The following UVSSA variants were observed in gnomAD, a reference collection of about 807,000 sequenced individuals.
UVSSA encodes UV stimulated scaffold protein A, also known as UV-stimulated scaffold protein A.
A neutral mutation model predicts 73.9 loss-of-function variants in UVSSA; 72 were observed. The observed-to-expected ratio is 0.97, with a 90% CI of 0.81 to 1.19. The LOEUF (loss-of-function observed/expected upper bound fraction) is 1.19, where lower values mean the gene tolerates loss of function less well. UVSSA is among the 50% of genes most tolerant of loss of function. UVSSA has a pLI of 0.00. For synonymous variants in UVSSA, 454 were observed against 391.3 expected (o/e 1.16, Z -1.89); for missense variants, 1,150 against 965.0 (o/e 1.19, Z -2.54).
rs1308835127 is a variant in UVSSA, at chr4:1,386,847, A to G, written c.*886A>G. The G allele has an allele frequency of 6.6e-6, 1 of 152,038 alleles. No homozygotes were observed. The highest frequency in any genetic ancestry group is 2.4e-5 in the African/African-American group (1 of 41,366). The allele number at this position is 152,038 out of a possible 1,614,324, so 9.4% of individuals were successfully genotyped here. On this transcript the variant is annotated 3_prime_UTR_variant, in exon 14 of 14. Coordinates refer to ENST00000389851, the MANE Select transcript of UVSSA (RefSeq NM_020894.4). ...ATCCTTCCACGTCAGCCTCCCAGGT[A>G]GCTGGGACTACAGGCACACACCACA...
intron 4 of UVSSA, 141 bp downstream of exon 4, chr4:1,351,976 C>A: frequency 7.3e-7 from 1 of 1,362,030 alleles, no homozygotes; most frequent in South Asian, 1.5e-5. Context: ...TCAGGTCGGG[C>A]CGGAAGGCGT....
chr4:1,355,210 C>G lies in UVSSA; in HGVS notation c.1141C>G (p.Leu381Val), dbSNP rs1444975345. Residue 381 changes from leucine to valine, a missense_variant, in exon 7 of 14, where the codon CTG becomes GTG. Physicochemically the swap from Leu to Val is conservative, Grantham distance 32. Transcript: ENST00000389851. ...GCTCGTACTGAGAAAATACAAGGAG[C>G]TGGACATCGAGCCTGAGGGAGGGGA... Reference protein sequence around the residue: ...LELVLRKYKELDIEPEGGERR... With the variant: ...LELVLRKYKEVDIEPEGGERR... The G allele has an allele frequency of 1.2e-5, 20 of 1,613,074 alleles. No homozygotes were observed. Among genetic ancestry groups the G allele is most frequent in the Non-Finnish European group, 1.5e-5 (18 of 1,179,720 alleles).
chr4:1,360,652 G>A (rs1260408901), intron 7 of UVSSA, among the ~76,000 whole-genome samples: 1 of 152,184 alleles, frequency 6.6e-6, no homozygotes, highest in East Asian at 1.9e-4. Flanking sequence ...AGGTCAGGCT[G>A]AAGCAGGGTC....
intron 3 of UVSSA, among the ~76,000 whole-genome samples, chr4:1,350,239 C>T (rs903098509): frequency 1.4e-4 from 21 of 152,190 alleles, no homozygotes; most frequent in Non-Finnish European, 2.6e-4. Context: ...CTTTAAGGCT[C>T]CACCCGCACC....
chr4:1,386,167 C>T lies in UVSSA; in HGVS notation c.*206C>T, dbSNP rs1293702017. 1 of 574,470 alleles carries T rather than the reference C, an allele frequency of 1.7e-6. No individual in the cohort carries two copies. Among genetic ancestry groups the T allele is most frequent in the Non-Finnish European group, 3.1e-6 (1 of 323,864 alleles). The allele number at this position is 574,470 out of a possible 1,614,324, so 35.6% of individuals were successfully genotyped here. ...TCGTCTGGTGATGGGTCTGGCCTCG[C>T]AGAAGAGGCCCTCGGGCCTGGAGAT... is the stretch of plus-strand genomic sequence containing the variant. On this transcript the variant is annotated 3_prime_UTR_variant, in exon 14 of 14. Transcript: ENST00000389851.
chr4:1,351,437 G>A (rs1385900842), intron 3 of UVSSA, among the ~76,000 whole-genome samples: 1 of 148,838 alleles, frequency 6.7e-6, no homozygotes, highest in Non-Finnish European at 1.5e-5. Context: ...CCAGGCTGGA[G>A]TGCAGTGGTG....
chr4:1,375,645 G>A (rs766231330), intron 9 of UVSSA, 137 bp downstream of exon 9: 86 of 1,368,152 alleles, frequency 6.3e-5, no homozygotes, highest in Non-Finnish European at 8.0e-5. Context: ...GTGTACCCCC[G>A]GCCGGGTGAG....
In UVSSA at chr4:1,380,950, G is replaced by T. The variant is rs890037028; in HGVS notation, c.1823G>T (p.Arg608Leu). 1 of 1,612,832 alleles carries T rather than the reference G, an allele frequency of 6.2e-7. No individual in the cohort carries two copies. The change falls in exon 12 of 14, where the codon CGT (arginine) becomes CTT (leucine). Residue 608 changes from arginine to leucine, a missense_variant. Arg to Leu is a moderately radical substitution (Grantham distance 102). Coordinates refer to ENST00000389851, the MANE Select transcript of UVSSA (RefSeq NM_020894.4). ...GRPLDPEDRAREQRRQLQKQE... is the reference protein window; with the variant it reads ...GRPLDPEDRALEQRRQLQKQE... ...CCGCTCGACCCGGAAGACAGGGCTC[G>T]TGAGCAGCGGCGGCAGCTGCAGAAG...
chr4:1,374,714 C>T (rs13113827), intron 8 of UVSSA, among the ~76,000 whole-genome samples: 43,975 of 152,186 alleles, frequency 0.29, 7,843 homozygotes, highest in Non-Finnish European at 0.4. Flanking sequence ...GGGCCAAGAC[C>T]TTGGTCCAGT....
chr4:1,376,231 G>T (rs1394105946), intron 10 of UVSSA, 63 bp downstream of exon 10: 1 of 1,518,170 alleles, frequency 6.6e-7, no homozygotes, highest in African/African-American at 1.4e-5. Context: ...CTGAGGAGGG[G>T]GCTGCCGGCT....
At chr4:1,345,926 T>C (rs1187224811), upstream of UVSSA, among the ~76,000 whole-genome samples, 5 of 151,800 alleles carry the variant, frequency 3.3e-5, no homozygotes, top group African/African-American at 1.2e-4. Context: ...ATGGGTGCCT[T>C]GGAGGAAGCC....
upstream of UVSSA, among the ~76,000 whole-genome samples, chr4:1,345,643 T>TA (rs1713605740): frequency 4.4e-5 from 1 of 22,966 alleles, no homozygotes; most frequent in Non-Finnish European, 7.3e-5. Context: ...AGACTTTGTC[T>TA]CAAAAAAAAA....
At chr4:1,360,982 G>A (rs1716543466) in intron 7 of UVSSA, among the ~76,000 whole-genome samples, 1 of 152,236 alleles carries the variant, frequency 6.6e-6, no homozygotes, top group South Asian at 2.1e-4. Context: ...GCAAACACCA[G>A]TTTGGCTGCC....
At chr4:1,369,107 G>C (rs758882712) in intron 8 of UVSSA, among the ~76,000 whole-genome samples, 2 of 151,014 alleles carry the variant, frequency 1.3e-5, no homozygotes, top group Non-Finnish European at 2.9e-5. Context: ...GAGGTGAGAG[G>C]GCTAACCACG....
chr4:1,353,162 G>T lies in UVSSA; in HGVS notation c.683G>T (p.Arg228Leu). Reference protein sequence around the residue: ...GMASGMSDALRSSCAGQVGPC... With the variant: ...GMASGMSDALLSSCAGQVGPC... ...GCTTCTGGCATGTCCGATGCCCTTC[G>T]CTCCTCCTGCGCGGGCCAGGTGGGC... Residue 228 changes from arginine (R) to leucine (L), a missense_variant, in exon 5 of 14, where the codon CGC (arginine) becomes CTC (leucine). Arg to Leu is a moderately radical substitution (Grantham distance 102). Transcript: ENST00000389851. 6.2e-7 allele frequency: 1 copy of T among 1,612,900 alleles called. No individual in the cohort carries two copies. Among genetic ancestry groups the T allele is most frequent in the Non-Finnish European group, 8.5e-7 (1 of 1,179,996 alleles).
At chr4:1,359,784 G>A (rs920959005) in intron 7 of UVSSA, among the ~76,000 whole-genome samples, 5 of 152,142 alleles carry the variant, frequency 3.3e-5, no homozygotes, top group Non-Finnish European at 7.4e-5. Flanking sequence ...CACCACCAAA[G>A]CTCTGATCTT....
At chr4:1,346,594 C>T (rs1192644856), upstream of UVSSA, among the ~76,000 whole-genome samples, 9 of 152,250 alleles carry the variant, frequency 5.9e-5, no homozygotes, top group South Asian at 1.9e-3. Flanking sequence ...CCCCCAAGCC[C>T]GCCCAGGGAT....
At chr4:1,355,885 T>C (rs779088915) in intron 7 of UVSSA, among the ~76,000 whole-genome samples, 1 of 151,694 alleles carries the variant, frequency 6.6e-6, no homozygotes, top group African/African-American at 2.4e-5. Flanking sequence ...CGTTCGAGGG[T>C]GGGGGTGCCC....
Position 1,349,850 on chromosome 4 carries a change from A to G in UVSSA, c.425A>G (p.Lys142Arg). 2 of 1,542,714 alleles carry G rather than the reference A, an allele frequency of 1.3e-6. No individual in the cohort carries two copies. Among genetic ancestry groups the G allele is most frequent in the Non-Finnish European group, 1.7e-6 (2 of 1,145,244 alleles). Residue 142 changes from lysine to arginine, a missense_variant, in exon 3 of 14, where the codon AAA becomes AGA. Physicochemically the swap from Lys to Arg is conservative, Grantham distance 26 (BLOSUM62 2). Coordinates refer to ENST00000389851, the MANE Select transcript of UVSSA (RefSeq NM_020894.4). ...GGCTACCACTTCTTAAGACACAACA[A>G]AAAGGTAGGTGGGCCTGGCCCATTT... ...ALGYHFLRHN[K>R]KVDFQDTNAR...
Sources: gnomAD v4.1 joint callset for allele counts (sites outside exome capture counted in the v4.1 genomes callset) on GRCh38, gnomAD v4.1.1 for gene constraint, MANE v1.5 for transcripts, NCBI Gene and HGNC (gene_info 2026-07-23, HGNC 2026-07-21) for gene names.